Variants in CAMKV observed in about 807,000 individuals in gnomAD.
The protein encoded by CAMKV is caM kinase-like vesicle-associated protein.
In CAMKV, 5 loss-of-function variants were observed where a neutral mutation model predicts 50.2. The observed-to-expected ratio is 0.10, with a 90% CI of 0.05 to 0.21. The LOEUF (loss-of-function observed/expected upper bound fraction) is 0.21. Ranked by LOEUF, CAMKV falls within the 10% of genes least tolerant of loss-of-function variation. CAMKV has a pLI of 1.00. For missense variants in CAMKV, 361 were observed against 650.5 expected (o/e 0.55, Z 4.84); for synonymous variants, 229 against 250.1 (o/e 0.92, Z 0.80).
At position 49,859,294 on chromosome 3, in the gene CAMKV, G is replaced by GC. The variant is rs111272205; in HGVS notation, c.*23dup. 3,421 of 1,496,158 alleles carry GC rather than the reference G, an allele frequency of 2.3e-3. 63 individuals are homozygous for GC. The African/African-American group carries it at 0.042, about 18-fold the overall frequency. 92.7% of individuals were successfully genotyped at this position (1,496,158 alleles called of 1,614,324 possible). On this transcript the variant is annotated 3_prime_UTR_variant, in exon 11 of 11. Transcript: ENST00000477224. The surrounding 1 kb of genome is among the most constrained non-coding windows in gnomAD (Gnocchi z 5.5). The stretch of plus-strand genomic sequence containing the variant: ...TCTCCCACCCTCCTGCCCATCCCCT[G>GC]CCCCCCCTCACCAGGCTGCCTACTC...
Position 49,860,428 on chromosome 3 carries a change from G to A in CAMKV, c.854+43C>T, listed in dbSNP as rs911505494. ...TCAAAGATGGGGCTGCTGGGTGTGA[G>A]GGGGACCCTGGCCTCTCCCACCCTC... On this transcript the variant is annotated intron_variant, in intron 9 of 10. Coordinates refer to ENST00000477224, the MANE Select transcript of CAMKV (RefSeq NM_024046.5). This position sits in a 1 kb window ranked among gnomAD's most constrained non-coding sequence, Gnocchi z 6.1. 3 of 1,599,088 alleles carry A rather than the reference G, an allele frequency of 1.9e-6. No homozygotes were observed. Among genetic ancestry groups the A allele is most frequent in the Non-Finnish European group, 2.6e-6 (3 of 1,169,412 alleles).
intron 1 of CAMKV, among the ~76,000 whole-genome samples, chr3:49,868,477 C>T (rs2082081618): frequency 6.6e-6 from 1 of 152,252 alleles, no homozygotes. Flanking sequence ...GGAATCTGGC[C>T]TTCTCCCAGG....
At chr3:49,864,456 C>T (rs1052828210) in intron 1 of CAMKV, among the ~76,000 whole-genome samples, 5 of 152,158 alleles carry the variant, frequency 3.3e-5, no homozygotes, top group East Asian at 1.9e-4. Context: ...ACCTGGGGCA[C>T]GGTGTCCCAC....
chr3:49,859,790 G>A lies in CAMKV; in HGVS notation c.1034C>T (p.Thr345Ile). The A allele has an allele frequency of 6.4e-7, 1 of 1,554,486 alleles. No homozygotes were observed. The highest frequency in any genetic ancestry group is 8.7e-7 in the Non-Finnish European group (1 of 1,152,520). ...AAAQSASATD[T>I]ATPGAAGGAT... ...CCCACCTGCAGCCCCGGGGGTGGCA[G>A]TGTCTGTGGCTGAGGCCGACTGGGC... Residue 345 changes from threonine to isoleucine, a missense_variant, in exon 11 of 11, where the codon ACT becomes ATT. By Grantham distance (89) the Thr-to-Ile change is moderately conservative (BLOSUM62 -1). Transcript: ENST00000477224. This position sits in a 1 kb window ranked among gnomAD's most constrained non-coding sequence, Gnocchi z 5.5.
Position 49,861,308 on chromosome 3 carries a change from G to T in CAMKV, c.442-8C>A. ...GTAAACCAGGTTCTCCAGCTGTGGT[G>T]TGAGAATAGCATGTGGGTGAGCAGA... On this transcript the variant is annotated splice_polypyrimidine_tract_variant and splice_region_variant and intron_variant, in intron 5 of 10. Transcript: ENST00000477224. This position sits in a 1 kb window ranked among gnomAD's most constrained non-coding sequence, Gnocchi z 7.7. 2 of 1,614,154 alleles carry T rather than the reference G, an allele frequency of 1.2e-6. No individual in the cohort carries two copies. Among genetic ancestry groups the T allele is most frequent in the African/African-American group, 1.3e-5 (1 of 75,074 alleles).
At chr3:49,867,485 G>A (rs1053461982) in intron 1 of CAMKV, among the ~76,000 whole-genome samples, 1 of 152,196 alleles carries the variant, frequency 6.6e-6, no homozygotes, top group Non-Finnish European at 1.5e-5. Flanking sequence ...AAGCACTTGG[G>A]GTCCAAATCT....
intron 1 of CAMKV, among the ~76,000 whole-genome samples, chr3:49,865,758 G>A (rs1024311218): frequency 6.6e-6 from 1 of 152,216 alleles, no homozygotes; most frequent in African/African-American, 2.4e-5. Context: ...GATGCTCGAA[G>A]GCCAGACTCA....
chr3:49,859,582 AGTGGCTGGAGTGATGCTTCCATCG>A lies in CAMKV; in HGVS notation c.1218_1241del (p.Ile410_Ser417del), dbSNP rs2082003318. 2 of 1,613,992 alleles carry A rather than the reference AGTGGCTGGAGTGATGCTTCCATCG, an allele frequency of 1.2e-6. No homozygotes were observed. The highest frequency in any genetic ancestry group is 1.7e-6 in the Non-Finnish European group (2 of 1,179,950). ...CAGTGGCTGGGGTGACACTCCCATC[AGTGGCTGGAGTGATGCTTCCATCG>A]GTGGCTGGGGTGACACTGCCATCAG... On this transcript the variant is annotated inframe_deletion, in exon 11 of 11. Coordinates refer to ENST00000477224, the MANE Select transcript of CAMKV (RefSeq NM_024046.5). This position sits in a 1 kb window ranked among gnomAD's most constrained non-coding sequence, Gnocchi z 5.5.
chr3:49,858,971 A>C lies in CAMKV; in HGVS notation c.*347T>G. 4 of 214,176 alleles carry C rather than the reference A, an allele frequency of 1.9e-5. No individual in the cohort carries two copies. Among genetic ancestry groups the C allele is most frequent in the East Asian group, 2.0e-4 (2 of 9,930 alleles). 13.3% of individuals were successfully genotyped at this position (214,176 alleles called of 1,614,324 possible). A position where few individuals can be genotyped will look rare whatever the true frequency, so the allele number is the denominator to read the frequency against. ...GGACCTGCAGGGCCTGCCTAGGGGA[A>C]TGGTGAGGCAAGAAGGGAAGGGGAA... is the stretch of plus-strand genomic sequence containing the variant. On this transcript the variant is annotated 3_prime_UTR_variant, in exon 11 of 11. Transcript: ENST00000477224.
At position 49,861,000 on chromosome 3, in the gene CAMKV, C is replaced by T. The variant is rs1410351118; in HGVS notation, c.581G>A (p.Arg194Gln). Residue 194 changes from arginine (R) to glutamine (Q), a missense_variant, in exon 7 of 11, where the codon CGG becomes CAG. This residue lies in a region of CAMKV where 172 missense variants were observed against 414.3 expected (regional missense o/e 0.42). Transcript: ENST00000477224. This position sits in a 1 kb window ranked among gnomAD's most constrained non-coding sequence, Gnocchi z 6.1. The stretch of plus-strand genomic sequence containing the variant: ...GTCCACAGGGCGTCCATACCGCTGC[C>T]GGCCTACCACCTCTGGGGCTACAAA... ...PEYLAPEVVG[R>Q]QRYGRPVDCW... 3 of 1,614,090 alleles carry T rather than the reference C, an allele frequency of 1.9e-6. No individual in the cohort carries two copies. The highest frequency in any genetic ancestry group is 2.2e-5 in the East Asian group (1 of 44,866).
chr3:49,868,686 T>C (rs1177989218), intron 1 of CAMKV, among the ~76,000 whole-genome samples: 2 of 152,114 alleles, frequency 1.3e-5, no homozygotes, highest in African/African-American at 4.8e-5. Flanking sequence ...TTGAGGAAAC[T>C]GAGGCTCAGA....
rs2082010205 is a variant in CAMKV at position 49,860,301 on chromosome 3, T to C, written c.855-43A>G. 6.3e-7 allele frequency: 1 copy of C among 1,593,030 alleles called. No homozygotes were observed. Among genetic ancestry groups the C allele is most frequent in the Admixed American group, 1.7e-5 (1 of 59,938 alleles). ...GTGTCTGGATCTGAGAGAATGAGCC[T>C]TTGTGGAGACTCTGCTCAGCCCTTC... On this transcript the variant is annotated intron_variant, in intron 9 of 10. Transcript: ENST00000477224. The surrounding 1 kb of genome is among the most constrained non-coding windows in gnomAD (Gnocchi z 6.1).
chr3:49,861,837 C>G lies in CAMKV; in HGVS notation c.256G>C (p.Val86Leu). The G allele has an allele frequency of 6.2e-7, 1 of 1,613,918 alleles. No individual in the cohort carries two copies. The highest frequency in any genetic ancestry group is 8.5e-7 in the Non-Finnish European group (1 of 1,179,904). ...MVKHPNILQL[V>L]DVFVTRKEYF... Reference sequence around the variant, plus strand: ...TCCTTGCGGGTCACAAACACATCCACCAGCTGTAGGATGTTGGGATGCTTC... The same window carrying G: ...TCCTTGCGGGTCACAAACACATCCAGCAGCTGTAGGATGTTGGGATGCTTC... The change falls in exon 4 of 11, where the codon GTG becomes CTG. Residue 86 changes from valine to leucine, a missense_variant. Around this residue, in one of 4 missense-constraint regions of CAMKV, gnomAD observed 172 missense variants for 414.3 expected, o/e 0.42. Coordinates refer to ENST00000477224, the MANE Select transcript of CAMKV (RefSeq NM_024046.5). The surrounding 1 kb of genome is among the most constrained non-coding windows in gnomAD (Gnocchi z 7.7).
Position 49,858,229 on chromosome 3 carries a change from G to GA in CAMKV, c.*1088dup, listed in dbSNP as rs1464555451. 6 of 398,464 alleles carry GA rather than the reference G, an allele frequency of 1.5e-5. No individual in the cohort carries two copies. Among genetic ancestry groups the GA allele is most frequent in the Non-Finnish European group, 2.7e-5 (6 of 226,062 alleles). The allele number at this position is 398,464 out of a possible 1,614,324, so 24.7% of individuals were successfully genotyped here. A position where few individuals can be genotyped will look rare whatever the true frequency, so the allele number is the denominator to read the frequency against. On this transcript the variant is annotated 3_prime_UTR_variant, in exon 11 of 11. Coordinates refer to ENST00000477224, the MANE Select transcript of CAMKV (RefSeq NM_024046.5). ...AGTTTAACCCTACTTCCTCATCCCAGAAAAAGCAACTCAATGTGGCTCTGA... is the reference window on the plus strand; with the variant it reads ...AGTTTAACCCTACTTCCTCATCCCAGAAAAAAGCAACTCAATGTGGCTCTGA...
Position 49,859,381 on chromosome 3 carries a change from G to A in CAMKV, c.1443C>T (p.Pro481=). Residue 481 remains proline, a synonymous_variant, in exon 11 of 11, where the codon CCC becomes CCT. Coordinates refer to ENST00000477224, the MANE Select transcript of CAMKV (RefSeq NM_024046.5). This position sits in a 1 kb window ranked among gnomAD's most constrained non-coding sequence, Gnocchi z 5.5. ...CAGCAGCCTCTTCCCCTTTACTAGA[G>A]GGTGGAGCCTGGCCTGTGGCGCCCT... ...APEGATGQAP[P]SSKGEEAAGY... is the part of the protein sequence containing the mutation. The A allele has an allele frequency of 6.3e-7, 1 of 1,582,266 alleles. No homozygotes were observed. Among genetic ancestry groups the A allele is most frequent in the Non-Finnish European group, 8.6e-7 (1 of 1,161,114 alleles).
At position 49,859,942 on chromosome 3, in the gene CAMKV, G is replaced by T; in HGVS notation, c.943-61C>A. 1 of 1,457,442 alleles carries T rather than the reference G, an allele frequency of 6.9e-7. No individual in the cohort carries two copies. Among genetic ancestry groups the T allele is most frequent in the Non-Finnish European group, 9.1e-7 (1 of 1,096,178 alleles). The allele number at this position is 1,457,442 out of a possible 1,614,324, so 90.3% of individuals were successfully genotyped here. A position where few individuals can be genotyped will look rare whatever the true frequency, so the allele number is the denominator to read the frequency against. On this transcript the variant is annotated intron_variant, in intron 10 of 10. Coordinates refer to ENST00000477224, the MANE Select transcript of CAMKV (RefSeq NM_024046.5). The surrounding 1 kb of genome is among the most constrained non-coding windows in gnomAD (Gnocchi z 5.5). ...GGCTTGCTGGATCCATTGCTTGGCAGTGACCAAACCAAACTCCTTCCATAG... is the reference window on the plus strand; with the variant it reads ...GGCTTGCTGGATCCATTGCTTGGCATTGACCAAACCAAACTCCTTCCATAG...
chr3:49,866,807 G>A (rs551513852), intron 1 of CAMKV, among the ~76,000 whole-genome samples: 1 of 152,380 alleles, frequency 6.6e-6, no homozygotes, highest in Admixed American at 6.5e-5. Flanking sequence ...CCCAGGGAAA[G>A]CCCAAACGGG....
chr3:49,859,587 C>T lies in CAMKV; in HGVS notation c.1237G>A (p.Ala413Thr), dbSNP rs760641215. 1.2e-6 allele frequency: 2 copies of T among 1,614,140 alleles called. No individual in the cohort carries two copies. The highest frequency in any genetic ancestry group is 1.1e-5 in the South Asian group (1 of 91,082). The change falls in exon 11 of 11, where the codon GCC becomes ACC. Residue 413 changes from alanine to threonine, a missense_variant. Physicochemically the swap from Ala to Thr is moderately conservative, Grantham distance 58 (BLOSUM62 0). Around this residue, in one of 4 missense-constraint regions of CAMKV, gnomAD observed 27 missense variants for 59.9 expected, o/e 0.45. Transcript: ENST00000477224. This position sits in a 1 kb window ranked among gnomAD's most constrained non-coding sequence, Gnocchi z 5.5. ...GCTGGGGTGACACTCCCATCAGTGG[C>T]TGGAGTGATGCTTCCATCGGTGGCT... ...TPATDGSITP[A>T]TDGSVTPATD...
chr3:49,859,126 T>C lies in CAMKV; in HGVS notation c.*192A>G, dbSNP rs2081999119. ...GCTGGGGCCGGCCCTGCCACTGGCC[T>C]GCCCACCACTCACACACATACACAC... On this transcript the variant is annotated 3_prime_UTR_variant, in exon 11 of 11. Transcript: ENST00000477224. The surrounding 1 kb of genome is among the most constrained non-coding windows in gnomAD (Gnocchi z 5.5). 6 of 493,734 alleles carry C rather than the reference T, an allele frequency of 1.2e-5. No individual in the cohort carries two copies. Among genetic ancestry groups the C allele is most frequent in the Non-Finnish European group, 2.1e-5 (6 of 287,306 alleles). 30.6% of individuals were successfully genotyped at this position (493,734 alleles called of 1,614,324 possible). A position where few individuals can be genotyped will look rare whatever the true frequency, so the allele number is the denominator to read the frequency against.
Sources: gnomAD v4.1 joint callset for allele counts (sites outside exome capture counted in the v4.1 genomes callset) on GRCh38, gnomAD v4.1.1 for gene constraint, gnomAD v4.1.1 regional missense constraint, Gnocchi (gnomAD v3.1) non-coding constraint, MANE v1.5 for transcripts, NCBI Gene and HGNC (gene_info 2026-07-23, HGNC 2026-07-21) for gene names.